The following ADARB2 variants were observed in gnomAD, a reference collection of about 807,000 sequenced individuals.
ADARB2 encodes the protein inactive double-stranded RNA-specific editase B2.
Under a neutral mutation model 62.2 loss-of-function variants are expected in ADARB2, and 25 were observed. The observed-to-expected ratio is 0.40, with a 90% CI of 0.29 to 0.56. The LOEUF (loss-of-function observed/expected upper bound fraction) is 0.56, where lower values mean the gene tolerates loss of function less well. Ranked by LOEUF, ADARB2 falls within the 20% of genes least tolerant of loss-of-function variation. The probability of loss-of-function intolerance (pLI) is 0.43; values close to 1 mark genes in which losing one functional copy is unlikely to be tolerated. For synonymous variants in ADARB2, 572 were observed against 500.8 expected, an observed-to-expected ratio of 1.14 and a Z score of -1.90; for missense variants, 1,071 against 1,077.4, an observed-to-expected ratio of 0.99 and a Z score of 0.08.
chr10:1,545,851 C>A (rs1832511350), intron 1 of ADARB2, among the ~76,000 whole-genome samples: 1 of 152,184 alleles, frequency 6.6e-6, no homozygotes, highest in Non-Finnish European at 1.5e-5. Flanking sequence ...TGCTAGTGGG[C>A]AGGATGAGGG....
At chr10:1,220,426 GA>G (rs1830684390) in intron 6 of ADARB2, among the ~76,000 whole-genome samples, 1 of 151,792 alleles carries the variant, frequency 6.6e-6, no homozygotes, top group Non-Finnish European at 1.5e-5. Flanking sequence ...TCGTGATGGT[GA>G]TGATGGTGGT....
At chr10:1,703,934 T>C (rs1345852665) in intron 1 of ADARB2, among the ~76,000 whole-genome samples, 1 of 152,186 alleles carries the variant, frequency 6.6e-6, no homozygotes, top group Admixed American at 6.5e-5. Flanking sequence ...TCCTAAGAGG[T>C]GGTGTTCAGC....
At chr10:1,373,466 C>T (rs1194862994) in intron 2 of ADARB2, among the ~76,000 whole-genome samples, 1 of 152,162 alleles carries the variant, frequency 6.6e-6, no homozygotes, top group East Asian at 1.9e-4. Context: ...ATAACCAGTG[C>T]GTGTACGAGT....
Position 1,185,001 on chromosome 10 carries a change from G to A in ADARB2, c.1903C>T (p.Pro635Ser). ...ACGACCCAGTTCATGCTGAAGGGGG[G>A]CGACTTCCCCGGCTGGCGCGCCTCG... The part of the protein sequence containing the change: ...DAEARQPGKS[P>S]PFSMNWVVGS... Residue 635 changes from proline to serine, a missense_variant, in exon 9 of 10, where the codon CCC becomes TCC. Coordinates refer to ENST00000381312, the MANE Select transcript of ADARB2 (RefSeq NM_018702.4). The A allele has an allele frequency of 6.2e-7, 1 of 1,613,484 alleles. No homozygotes were observed. The highest frequency in any genetic ancestry group is 1.1e-5 in the South Asian group (1 of 91,066).
chr10:1,204,938 C>T (rs557323275), intron 7 of ADARB2, among the ~76,000 whole-genome samples: 1 of 152,368 alleles, frequency 6.6e-6, no homozygotes, highest in Non-Finnish European at 1.5e-5. Flanking sequence ...ACAGGCATTT[C>T]CTCAACGTGA....
In ADARB2 at chr10:1,233,718, A is replaced by G. The variant is rs1830831577; in HGVS notation, c.1489T>C (p.Ser497Pro). 1.2e-6 allele frequency: 2 copies of G among 1,613,310 alleles called. No individual in the cohort carries two copies. Among genetic ancestry groups the G allele is most frequent in the Middle Eastern group, 1.7e-4 (1 of 6,060 alleles). Residue 497 changes from serine (S) to proline (P), a missense_variant, in exon 6 of 10, where the codon TCT becomes CCT. By Grantham distance (74) the Ser-to-Pro change is moderately conservative. Coordinates refer to ENST00000381312, the MANE Select transcript of ADARB2 (RefSeq NM_018702.4). ...CGGTCTGTGGTGATCTCGTAGGGAG[A>G]GTGGAGTCTTGCGTCTCCACAGGGG... is the stretch of plus-strand genomic sequence containing the variant. ...TSPCGDARLH[S>P]PYEITTDLHS...
At chr10:1,685,691 C>T (rs976534037) in intron 1 of ADARB2, among the ~76,000 whole-genome samples, 13 of 152,162 alleles carry the variant, frequency 8.5e-5, no homozygotes, top group East Asian at 3.9e-4. Context: ...AAAAGGGAGG[C>T]GACGCAGGAG....
chr10:1,474,438 CTGATGGACACACAGGCCT>C (rs1480739560), intron 1 of ADARB2, among the ~76,000 whole-genome samples: 1 of 152,184 alleles, frequency 6.6e-6, no homozygotes, highest in East Asian at 1.9e-4. Context: ...TTCAGAAAGA[CTGATGGACACACAGGCCT>C]CTTCTGCGGG....
chr10:1,630,156 A>G (rs1022446852), intron 1 of ADARB2, among the ~76,000 whole-genome samples: 4 of 152,180 alleles, frequency 2.6e-5, no homozygotes, highest in Admixed American at 2.6e-4. Context: ...ATAGGAGATA[A>G]TTATTTCTTT....
intron 3 of ADARB2, among the ~76,000 whole-genome samples, chr10:1,281,484 A>T (rs148886567): frequency 6.6e-6 from 1 of 152,252 alleles, no homozygotes; most frequent in Admixed American, 6.5e-5. Context: ...TCCTGGTCCA[A>T]TGGAAAGATA....
At chr10:1,324,150 C>T (rs1831821787) in intron 3 of ADARB2, among the ~76,000 whole-genome samples, 1 of 152,162 alleles carries the variant, frequency 6.6e-6, no homozygotes, top group African/African-American at 2.4e-5. Context: ...TGATAAGATG[C>T]TAAACTATAT....
chr10:1,483,500 T>G (rs1298675185), intron 1 of ADARB2, among the ~76,000 whole-genome samples: 6 of 152,126 alleles, frequency 3.9e-5, no homozygotes, highest in African/African-American at 7.2e-5. Context: ...CTTAGCTCCC[T>G]AGAGAGCGAA....
intron 7 of ADARB2, among the ~76,000 whole-genome samples, chr10:1,212,981 A>G (rs536599280): frequency 6.6e-6 from 1 of 152,356 alleles, no homozygotes; most frequent in South Asian, 2.1e-4. Context: ...AGCTCCATGC[A>G]GAGAACAGCG....
rs543840513 is a variant in ADARB2 at position 1,522,999 on chromosome 10, A to G, written c.101-143839T>C. Among the ~76,000 whole-genome samples the G allele has an allele frequency of 3.3e-5, 5 of 152,280 alleles. 1 individual carries two copies. The South Asian group carries it at 1.0e-3, about 32-fold the overall frequency. On this transcript the variant is annotated intron_variant, in intron 1 of 9. Coordinates refer to ENST00000381312, the MANE Select transcript of ADARB2 (RefSeq NM_018702.4). ...TAAGCTCTCTTTCAGGTGAGTTTCA[A>G]ATCGTTATCTCCTTACACCCAGCAG...
chr10:1,524,659 C>T (rs1236955156), intron 1 of ADARB2, among the ~76,000 whole-genome samples: 1 of 152,192 alleles, frequency 6.6e-6, no homozygotes, highest in Non-Finnish European at 1.5e-5. Context: ...ACACTTTCCT[C>T]ATCTCCACCT....
intron 4 of ADARB2, among the ~76,000 whole-genome samples, chr10:1,247,637 A>C (rs966189901): frequency 1.3e-5 from 2 of 152,216 alleles, no homozygotes; most frequent in African/African-American, 4.8e-5. Context: ...TGGAGAACAG[A>C]GCTCAGTAGC....
At chr10:1,618,111 C>G (rs2132025274) in intron 1 of ADARB2, among the ~76,000 whole-genome samples, 1 of 152,340 alleles carries the variant, frequency 6.6e-6, no homozygotes, top group Non-Finnish European at 1.5e-5. Context: ...GTGCCATCTG[C>G]TGCCTGCCCA....
intron 4 of ADARB2, among the ~76,000 whole-genome samples, chr10:1,268,997 G>C (rs1250920080): frequency 6.6e-6 from 1 of 152,138 alleles, no homozygotes; most frequent in Non-Finnish European, 1.5e-5. Flanking sequence ...GAGTTCCAGC[G>C]CTGAGAAATG....
chr10:1,384,630 G>A (rs1832510402), intron 1 of ADARB2, among the ~76,000 whole-genome samples: 1 of 152,224 alleles, frequency 6.6e-6, no homozygotes, highest in Non-Finnish European at 1.5e-5. Flanking sequence ...AAGCATGAGA[G>A]TGCACCCCAC....
Sources: allele counts gnomAD v4.1 joint callset (sites outside exome capture counted in the v4.1 genomes callset), GRCh38; gene constraint gnomAD v4.1.1; transcripts MANE v1.5; gene names NCBI Gene and HGNC (gene_info 2026-07-23, HGNC 2026-07-21).